The following UTRN variants were observed in gnomAD, a reference collection of about 807,000 sequenced individuals.
UTRN encodes dystrophin-related protein 1.
A neutral mutation model predicts 463.9 loss-of-function variants in UTRN; 283 were observed. The ratio of observed to expected loss-of-function variants is 0.61; its 90% CI spans 0.55 to 0.67. The LOEUF is 0.67. Ranked by LOEUF, UTRN falls within the 30% of genes least tolerant of loss-of-function variation. The pLI, the probability that UTRN is intolerant of heterozygous loss-of-function variation, is 0.00. For missense variants in UTRN, 3,922 were observed against 4,084.3 expected (o/e 0.96, Z 1.08); for synonymous variants, 1,442 against 1,431.5 (o/e 1.01, Z -0.17).
intron 43 of UTRN, 84 bp downstream of exon 43, chr6:144,533,344 T>A (rs2128602861): frequency 2.0e-6 from 3 of 1,527,132 alleles, no homozygotes; most frequent in Middle Eastern, 2.4e-4. Flanking sequence ...ATGAGTTCTT[T>A]TATTGTTTGA....
At chr6:144,763,614 T>G (rs1344353258) in intron 58 of UTRN, among the ~76,000 whole-genome samples, 1 of 152,182 alleles carries the variant, frequency 6.6e-6, no homozygotes, top group Non-Finnish European at 1.5e-5. Flanking sequence ...GTGCGCCAGC[T>G]TAGGCAATAC....
intron 34 of UTRN, among the ~76,000 whole-genome samples, chr6:144,510,497 A>G (rs978014035): frequency 3.3e-5 from 5 of 152,226 alleles, no homozygotes; most frequent in Admixed American, 6.5e-5. Flanking sequence ...TATAGTACAC[A>G]TCGATAGTTT....
At chr6:144,355,566 A>T (rs986834508) in intron 2 of UTRN, among the ~76,000 whole-genome samples, 3 of 152,198 alleles carry the variant, frequency 2.0e-5, no homozygotes, top group Non-Finnish European at 4.4e-5. Flanking sequence ...ATATACAAAA[A>T]TAGCTTTTTT....
chr6:144,812,767 T>A (rs1484096503), intron 65 of UTRN, among the ~76,000 whole-genome samples: 1 of 152,186 alleles, frequency 6.6e-6, no homozygotes, highest in Non-Finnish European at 1.5e-5. Context: ...TTCTTTAGGG[T>A]TTTGCTACAG....
At chr6:144,441,729 T>C (rs184170082) in intron 13 of UTRN, among the ~76,000 whole-genome samples, 1 of 152,310 alleles carries the variant, frequency 6.6e-6, no homozygotes, top group East Asian at 1.9e-4. Flanking sequence ...TAGCAGAGGT[T>C]CTCCATGAGA....
chr6:144,334,023 G>A (rs1776529522), intron 2 of UTRN, among the ~76,000 whole-genome samples: 1 of 152,094 alleles, frequency 6.6e-6, no homozygotes, highest in Non-Finnish European at 1.5e-5. Flanking sequence ...TTTTAAGAGA[G>A]GACTCCTAAA....
At chr6:144,432,093 G>A (rs545499992) in intron 9 of UTRN, among the ~76,000 whole-genome samples, 3 of 152,002 alleles carry the variant, frequency 2.0e-5, no homozygotes, top group Admixed American at 6.5e-5. Context: ...CCATTAACTC[G>A]TCCTTTAGCA....
At chr6:144,554,997 C>T (rs1179712717) in intron 49 of UTRN, 104 bp downstream of exon 49, 1 of 1,339,198 alleles carries the variant, frequency 7.5e-7, no homozygotes, top group African/African-American at 1.5e-5. Context: ...ATGTTTTTTC[C>T]TAAGTTCTTA....
intron 52 of UTRN, among the ~76,000 whole-genome samples, chr6:144,695,374 C>T (rs1393044661): frequency 3.3e-5 from 5 of 149,748 alleles, no homozygotes; most frequent in Admixed American, 2.0e-4. Flanking sequence ...GACAGAGTCT[C>T]ACTGTGTTGC....
At chr6:144,457,079 T>C (rs563511256) in intron 19 of UTRN, among the ~76,000 whole-genome samples, 1 of 152,330 alleles carries the variant, frequency 6.6e-6, no homozygotes, top group South Asian at 2.1e-4. Context: ...AATAGAAAAT[T>C]TTAAACTCTG....
At chr6:144,821,282 T>C (rs1779579065) in intron 66 of UTRN, among the ~76,000 whole-genome samples, 1 of 152,192 alleles carries the variant, frequency 6.6e-6, no homozygotes, top group Non-Finnish European at 1.5e-5. Context: ...ACTGGTCATC[T>C]CTTTTGTTGG....
At chr6:144,551,606 G>A (rs886725547) in intron 48 of UTRN, among the ~76,000 whole-genome samples, 1 of 152,134 alleles carries the variant, frequency 6.6e-6, no homozygotes, top group African/African-American at 2.4e-5. Context: ...CAAAACAATA[G>A]CAAACAAAGA....
At chr6:144,603,373 C>T (rs1420566828) in intron 51 of UTRN, among the ~76,000 whole-genome samples, 3 of 152,144 alleles carry the variant, frequency 2.0e-5, no homozygotes, top group African/African-American at 7.2e-5. Flanking sequence ...CCAATGTCTA[C>T]TCCTATAGCA....
chr6:144,396,365 G>A (rs548144316), intron 2 of UTRN, among the ~76,000 whole-genome samples: 1 of 152,202 alleles, frequency 6.6e-6, no homozygotes, highest in South Asian at 2.1e-4. Flanking sequence ...CTATTACCAG[G>A]GGCTGGTGGG....
intron 53 of UTRN, among the ~76,000 whole-genome samples, chr6:144,728,673 A>G (rs1247071499): frequency 1.3e-5 from 2 of 148,638 alleles, no homozygotes; most frequent in East Asian, 4.0e-4. Flanking sequence ...GGTTTTATGG[A>G]TCTAGGAAGG....
intron 50 of UTRN, among the ~76,000 whole-genome samples, chr6:144,562,165 C>A (rs553391292): frequency 6.6e-6 from 1 of 151,920 alleles, no homozygotes; most frequent in Non-Finnish European, 1.5e-5. Flanking sequence ...AGAAAAGATA[C>A]GGAATTTAAA....
intron 2 of UTRN, among the ~76,000 whole-genome samples, chr6:144,374,576 C>G (rs1398717659): frequency 6.6e-6 from 1 of 151,642 alleles, no homozygotes; most frequent in Non-Finnish European, 1.5e-5. Flanking sequence ...CTCCGCCTCC[C>G]GGGCTCAAGT....
chr6:144,624,350 A>C (rs1775732711), intron 51 of UTRN, among the ~76,000 whole-genome samples: 1 of 152,196 alleles, frequency 6.6e-6, no homozygotes, highest in Admixed American at 6.5e-5. Context: ...AATGTAATAC[A>C]GAAAAGTAAT....
intron 60 of UTRN, among the ~76,000 whole-genome samples, chr6:144,781,615 G>A (rs1333434322): frequency 6.6e-6 from 1 of 151,994 alleles, no homozygotes; most frequent in Non-Finnish European, 1.5e-5. Context: ...ACATTTAAAA[G>A]CAAAAAGAGC....
Sources: gnomAD v4.1 joint callset for allele counts (sites outside exome capture counted in the v4.1 genomes callset) on GRCh38, gnomAD v4.1.1 for gene constraint, MANE v1.5 for transcripts, NCBI Gene and HGNC (gene_info 2026-07-23, HGNC 2026-07-21) for gene names.